The following SRL variants were observed in gnomAD, a reference collection of about 807,000 sequenced individuals.
The protein encoded by SRL is sarcalumenin.
SRL carries 23 observed loss-of-function variants against 39.5 expected under a neutral mutation model. The observed-to-expected ratio is 0.58, with a 90% CI of 0.42 to 0.82. The LOEUF (loss-of-function observed/expected upper bound fraction) is 0.82, where lower values mean the gene tolerates loss of function less well. Among genes scored for constraint, SRL ranks in the 40% least tolerant of loss-of-function variants. The pLI, the probability that SRL is intolerant of heterozygous loss-of-function variation, is 0.00. For missense variants in SRL, 592 were observed against 607.8 expected, an observed-to-expected ratio of 0.97 and a Z score of 0.27; for synonymous variants, 272 against 237.4, an observed-to-expected ratio of 1.15 and a Z score of -1.34.
rs148549125 is a variant in SRL at position 4,237,933 on chromosome 16, C to T, written c.61+4074G>A. On this transcript the variant is annotated intron_variant, in intron 1 of 5. Coordinates refer to ENST00000399609, the MANE Select transcript of SRL (RefSeq NM_001098814.2). Reference sequence around the variant, plus strand: ...CCTCCCCAGTGACACTGATGTGTGTCCCATTTGACTAGATTCAGCTACGTG... The same window carrying T: ...CCTCCCCAGTGACACTGATGTGTGTTCCATTTGACTAGATTCAGCTACGTG... 4.0e-3 allele frequency among the ~76,000 whole-genome samples: 608 copies of T among 152,262 alleles called. 5 individuals carry two copies. Among genetic ancestry groups the T allele is most frequent in the African/African-American group, 0.014 (583 of 41,540 alleles).
At chr16:4,210,811 T>C (rs536689201) in intron 1 of SRL, among the ~76,000 whole-genome samples, 67 of 152,214 alleles carry the variant, frequency 4.4e-4, no homozygotes, top group Non-Finnish European at 8.2e-4. Flanking sequence ...AGATGAGAAG[T>C]CTGGAACCAG....
chr16:4,193,021 AC>A, intron 5 of SRL, 57 bp from the exon 6 acceptor site: 1 of 1,458,584 alleles, frequency 6.9e-7, no homozygotes, highest in East Asian at 2.3e-5. Context: ...AAGCCCGCGC[AC>A]CTCCTTTCAG....
intron 2 of SRL, 103 bp from the exon 3 acceptor site, chr16:4,203,364 C>T: frequency 1.1e-6 from 1 of 893,760 alleles, no homozygotes; most frequent in Non-Finnish European, 1.8e-6. Flanking sequence ...CCACCCCTGC[C>T]TGGTGGGCAG....
intron 1 of SRL, among the ~76,000 whole-genome samples, chr16:4,227,116 T>C (rs114426815): frequency 0.019 from 2,775 of 147,592 alleles, 87 homozygotes; most frequent in African/African-American, 0.066. Flanking sequence ...AATGGGTGGA[T>C]TGATGAATGG....
chr16:4,192,414 C>G lies in SRL; in HGVS notation c.1161G>C (p.Lys387Asn), dbSNP rs969949884. Residue 387 changes from lysine (K) to asparagine (N), a missense_variant, in exon 6 of 6, where the codon AAG (lysine) becomes AAC (asparagine). Transcript: ENST00000399609. The surrounding 1 kb of genome is among the most constrained non-coding windows in gnomAD (Gnocchi z 4.0). ...KFYIFKTILAKTNVSKFDLPN... is the reference protein window; with the variant it reads ...KFYIFKTILANTNVSKFDLPN... ...GAAGGTCAAATTTGCTGACATTGGT[C>G]TTTGCCAGGATGGTCTTGAAGATGT... is the stretch of plus-strand genomic sequence containing the variant. The G allele has an allele frequency of 5.6e-6, 9 of 1,614,074 alleles. No homozygotes were observed. Among genetic ancestry groups the G allele is most frequent in the Non-Finnish European group, 7.6e-6 (9 of 1,180,044 alleles).
rs1297922439 is a variant in SRL at position 4,191,895 on chromosome 16, G to A, written c.*258C>T. ...TCTGTCCTTCCAAGACAGGACCCAG[G>A]AAAAGCAGGTGGAGGCTGACTTGCC... On this transcript the variant is annotated 3_prime_UTR_variant, in exon 6 of 6. Coordinates refer to ENST00000399609, the MANE Select transcript of SRL (RefSeq NM_001098814.2). The A allele has an allele frequency of 2.1e-5, 9 of 437,538 alleles. No homozygotes were observed. The East Asian group carries it at 3.2e-4, about 15-fold the overall frequency. The allele number at this position is 437,538 out of a possible 1,614,324, so 27.1% of individuals were successfully genotyped here.
chr16:4,192,214 G>T lies in SRL; in HGVS notation c.1361C>A (p.Ala454Asp), dbSNP rs775242809. The T allele has an allele frequency of 6.2e-7, 1 of 1,601,538 alleles. No homozygotes were observed. The highest frequency in any genetic ancestry group is 1.1e-5 in the South Asian group (1 of 88,616). Residue 454 changes from alanine to aspartate, a missense_variant, in exon 6 of 6, where the codon GCT (alanine) becomes GAT (aspartate). Coordinates refer to ENST00000399609, the MANE Select transcript of SRL (RefSeq NM_001098814.2). This position sits in a 1 kb window ranked among gnomAD's most constrained non-coding sequence, Gnocchi z 4.0. ...GSLGLGKNPG[A>D]LNCDKTGCSE... ...ACACCCTGTTTTGTCACAGTTGAGA[G>T]CACCTGGATTCTTCCCGAGCCCGAG...
chr16:4,209,223 A>T (rs2052362929), intron 1 of SRL, among the ~76,000 whole-genome samples: 1 of 151,966 alleles, frequency 6.6e-6, no homozygotes, highest in Non-Finnish European at 1.5e-5. Context: ...CAGTGAGCCG[A>T]GATCGCGCCA....
chr16:4,216,427 A>G (rs1394433965), intron 1 of SRL, among the ~76,000 whole-genome samples: 1 of 152,062 alleles, frequency 6.6e-6, no homozygotes, highest in African/African-American at 2.4e-5. Context: ...GCACGCAACC[A>G]CACTCGGCTA....
At chr16:4,227,285 G>A (rs1019344905) in intron 1 of SRL, among the ~76,000 whole-genome samples, 1 of 151,380 alleles carries the variant, frequency 6.6e-6, no homozygotes, top group Admixed American at 6.6e-5. Flanking sequence ...TAGGTGGACA[G>A]ATAAATGGAT....
chr16:4,232,722 AG>A (rs1330754492), intron 1 of SRL, among the ~76,000 whole-genome samples: 5 of 152,252 alleles, frequency 3.3e-5, no homozygotes, highest in African/African-American at 9.6e-5. Context: ...ATGTTGCCCA[AG>A]GTACTCTTGA....
intron 1 of SRL, among the ~76,000 whole-genome samples, chr16:4,216,805 G>C (rs1306857412): frequency 1.3e-5 from 2 of 152,162 alleles, no homozygotes; most frequent in African/African-American, 4.8e-5. Flanking sequence ...ATGCAGGCTG[G>C]GTTCTGAGAC....
Position 4,192,308 on chromosome 16 carries a change from T to C in SRL, c.1267A>G (p.Met423Val), listed in dbSNP as rs751699763. The change falls in exon 6 of 6, where the codon ATG becomes GTG. Residue 423 changes from methionine (M) to valine (V), a missense_variant. Met to Val is a conservative substitution (Grantham distance 21). Coordinates refer to ENST00000399609, the MANE Select transcript of SRL (RefSeq NM_001098814.2). This position sits in a 1 kb window ranked among gnomAD's most constrained non-coding sequence, Gnocchi z 4.0. Reference sequence around the variant, plus strand: ...ATCTTCTCCAGAAAGCAACCTCCCATGTAGGAGCACTGCTGGGAGAGCAGT... The same window carrying C: ...ATCTTCTCCAGAAAGCAACCTCCCACGTAGGAGCACTGCTGGGAGAGCAGT... ...FKLLSQQCSY[M>V]GGCFLEKIER... 7 of 1,613,920 alleles carry C rather than the reference T, an allele frequency of 4.3e-6. No homozygotes were observed. The highest frequency in any genetic ancestry group is 1.1e-5 in the South Asian group (1 of 91,078).
chr16:4,219,690 C>G (rs78723212), intron 1 of SRL, among the ~76,000 whole-genome samples: 28,361 of 151,978 alleles, frequency 0.19, 5,646 homozygotes, highest in African/African-American at 0.5. Flanking sequence ...CAAACTCCTG[C>G]ACTCAAGTGA....
At chr16:4,193,676 C>A (rs1294312933) in intron 5 of SRL, among the ~76,000 whole-genome samples, 1 of 152,122 alleles carries the variant, frequency 6.6e-6, no homozygotes, top group Non-Finnish European at 1.5e-5. Context: ...TATAGGACAG[C>A]ACCTAAAATT....
chr16:4,226,279 T>C (rs955510588), intron 1 of SRL, among the ~76,000 whole-genome samples: 1 of 152,158 alleles, frequency 6.6e-6, no homozygotes, highest in Non-Finnish European at 1.5e-5. Flanking sequence ...ATTGGATGGA[T>C]GGGTGGATGA....
At chr16:4,239,807 G>C (rs1195607828) in intron 1 of SRL, 1 of 152,234 alleles carries the variant, frequency 6.6e-6, no homozygotes, top group Non-Finnish European at 1.5e-5. Flanking sequence ...TGGGGAGACC[G>C]ATCAAATCAT....
intron 1 of SRL, among the ~76,000 whole-genome samples, chr16:4,240,509 G>A (rs753283513): frequency 6.6e-6 from 1 of 152,136 alleles, no homozygotes; most frequent in Non-Finnish European, 1.5e-5. Flanking sequence ...GCTTTACGCC[G>A]GAGGTTGGGC....
chr16:4,214,429 G>C (rs1048765101), intron 1 of SRL, among the ~76,000 whole-genome samples: 1 of 152,174 alleles, frequency 6.6e-6, no homozygotes, highest in African/African-American at 2.4e-5. Flanking sequence ...TCCCCAGCGG[G>C]GGCAGGAATC....
Sources: gnomAD v4.1 joint callset for allele counts (sites outside exome capture counted in the v4.1 genomes callset) on GRCh38, gnomAD v4.1.1 for gene constraint, Gnocchi (gnomAD v3.1) non-coding constraint, MANE v1.5 for transcripts, NCBI Gene and HGNC (gene_info 2026-07-23, HGNC 2026-07-21) for gene names.